DDC: variants seen among roughly 807,000 people sequenced by gnomAD.
DDC encodes dopa decarboxylase, also known as aromatic-L-amino-acid decarboxylase.
Under a neutral mutation model 60.0 loss-of-function variants are expected in DDC, and 43 were observed. The ratio of observed to expected loss-of-function variants is 0.72; its 90% CI spans 0.56 to 0.92. The LOEUF (loss-of-function observed/expected upper bound fraction) is 0.92, where lower values mean the gene tolerates loss of function less well. DDC is among the 40% of genes least tolerant of loss of function. The pLI, the probability that DDC is intolerant of heterozygous loss-of-function variation, is 0.00. For missense variants in DDC, 573 were observed against 620.2 expected, an observed-to-expected ratio of 0.92 and a Z score of 0.81; for synonymous variants, 232 against 234.6, an observed-to-expected ratio of 0.99 and a Z score of 0.10.
At chr7:50,501,711 T>G (rs1353829833) in intron 7 of DDC, among the ~76,000 whole-genome samples, 1 of 152,062 alleles carries the variant, frequency 6.6e-6, no homozygotes, top group African/African-American at 2.4e-5. Context: ...AGAGGGAAAG[T>G]AGGTAAAAGG....
chr7:50,472,420 G>C (rs1279152102), intron 11 of DDC, among the ~76,000 whole-genome samples: 1 of 152,040 alleles, frequency 6.6e-6, no homozygotes, highest in Non-Finnish European at 1.5e-5. Context: ...CTATTTCCTG[G>C]TACTTTTTCC....
At chr7:50,516,326 G>A (rs1052554254) in intron 6 of DDC, among the ~76,000 whole-genome samples, 1 of 152,068 alleles carries the variant, frequency 6.6e-6, no homozygotes, top group Admixed American at 6.6e-5. Context: ...ACCTGAATGA[G>A]CACTGGCTCA....
At chr7:50,525,473 T>C (rs1221895155) in intron 6 of DDC, among the ~76,000 whole-genome samples, 2 of 152,156 alleles carry the variant, frequency 1.3e-5, no homozygotes, top group African/African-American at 2.4e-5. Flanking sequence ...TATTTCAAAA[T>C]AAAAAGTTGG....
At chr7:50,490,612 GTGAGCTGAGATCATGCCAC>G (rs1287190782) in intron 9 of DDC, among the ~76,000 whole-genome samples, 2 of 152,176 alleles carry the variant, frequency 1.3e-5, no homozygotes, top group African/African-American at 4.8e-5. Flanking sequence ...GGAGGTTGCA[GTGAGCTGAGATCATGCCAC>G]TGAGCCGAGA....
At chr7:50,511,401 C>G (rs1443971814) in intron 6 of DDC, among the ~76,000 whole-genome samples, 1 of 152,080 alleles carries the variant, frequency 6.6e-6, no homozygotes, top group Admixed American at 6.5e-5. Context: ...CATGGTGGCT[C>G]ATGCTTGTAA....
At chr7:50,495,529 G>A in intron 8 of DDC, 112 bp from the exon 9 acceptor site, 1 of 874,228 alleles carries the variant, frequency 1.1e-6, no homozygotes, top group East Asian at 2.6e-5. Flanking sequence ...ATCCACAGTG[G>A]TAGGGGCCAG....
intron 1 of DDC, among the ~76,000 whole-genome samples, chr7:50,546,038 A>G (rs1226828776): frequency 1.3e-5 from 2 of 152,198 alleles, no homozygotes; most frequent in Non-Finnish European, 2.9e-5. Flanking sequence ...AATTGCAGAA[A>G]TAGGATTCAA....
intron 1 of DDC, among the ~76,000 whole-genome samples, chr7:50,545,172 T>TC (rs1563045755): frequency 2.0e-5 from 3 of 152,212 alleles, no homozygotes; most frequent in Admixed American, 1.3e-4. Flanking sequence ...AGGTAGTGTG[T>TC]CCCTTTGTTC....
chr7:50,480,263 G>C (rs1054549537), intron 9 of DDC, among the ~76,000 whole-genome samples: 2 of 152,168 alleles, frequency 1.3e-5, no homozygotes, highest in Non-Finnish European at 2.9e-5. Flanking sequence ...AAACTCCTAA[G>C]TGGCAGGATT....
At chr7:50,492,689 C>CTCTCT in intron 9 of DDC, 1 of 274,052 alleles carries the variant, frequency 3.6e-6, no homozygotes, top group Non-Finnish European at 4.9e-6. Context: ...AGGAAATTTT[C>CTCTCT]CAAATGGCCT....
chr7:50,461,285 TAAG>T (rs2042268043), intron 14 of DDC, among the ~76,000 whole-genome samples: 1 of 152,286 alleles, frequency 6.6e-6, no homozygotes, highest in Non-Finnish European at 1.5e-5. Flanking sequence ...CTCTGTAAAA[TAAG>T]AATAGTTCCT....
At chr7:50,493,134 G>A (rs58085392) in intron 9 of DDC, 9 of 768,468 alleles carry the variant, frequency 1.2e-5, no homozygotes, top group South Asian at 1.1e-4. Context: ...AGAGAGCGTG[G>A]CAATGTCTGT....
At chr7:50,479,060 G>A (rs1324932102) in intron 10 of DDC, among the ~76,000 whole-genome samples, 2 of 152,212 alleles carry the variant, frequency 1.3e-5, no homozygotes, top group African/African-American at 4.8e-5. Flanking sequence ...TTTGGTTCTA[G>A]TTCAACGCCT....
chr7:50,473,539 T>C lies in DDC; in HGVS notation c.1041+3085A>G, dbSNP rs2042578712. 3.3e-5 allele frequency among the ~76,000 whole-genome samples: 5 copies of C among 152,180 alleles called. No individual in the cohort carries two copies. The South Asian group carries it at 1.0e-3, about 32-fold the overall frequency. ...TTGGCTGTGAACACATGATGTGCCA[T>C]CTCCAGCCCTCTCTAGGAACACAGC... On this transcript the variant is annotated intron_variant, in intron 11 of 14. Coordinates refer to ENST00000444124, the MANE Select transcript of DDC (RefSeq NM_001082971.2).
chr7:50,523,017 C>T (rs1181529109), intron 6 of DDC, among the ~76,000 whole-genome samples: 1 of 152,192 alleles, frequency 6.6e-6, no homozygotes, highest in Non-Finnish European at 1.5e-5. Flanking sequence ...GATCCAATCA[C>T]CTTCCACCAG....
chr7:50,477,022 C>T (rs760579215), intron 10 of DDC, among the ~76,000 whole-genome samples: 2 of 152,022 alleles, frequency 1.3e-5, no homozygotes, highest in South Asian at 2.1e-4. Flanking sequence ...TTGTGATATA[C>T]GGAGTGATTA....
chr7:50,509,977 C>CT (rs35484306), intron 6 of DDC, among the ~76,000 whole-genome samples: 37,253 of 148,574 alleles, frequency 0.25, 5,587 homozygotes, highest in Non-Finnish European at 0.34. Flanking sequence ...ACTTACGTAT[C>CT]TTTTTTTTTT....
chr7:50,518,917 C>T (rs914196119), intron 6 of DDC, among the ~76,000 whole-genome samples: 9 of 152,210 alleles, frequency 5.9e-5, no homozygotes, highest in Non-Finnish European at 1.3e-4. Flanking sequence ...AGAGCATTTG[C>T]ATGGCAAAAG....
At chr7:50,518,912 A>G (rs769063234) in intron 6 of DDC, among the ~76,000 whole-genome samples, 1 of 152,228 alleles carries the variant, frequency 6.6e-6, no homozygotes, top group Non-Finnish European at 1.5e-5. Flanking sequence ...ACTAAAGAGC[A>G]TTTGCATGGC....
Sources: gnomAD v4.1 joint callset for allele counts (sites outside exome capture counted in the v4.1 genomes callset) on GRCh38, gnomAD v4.1.1 for gene constraint, MANE v1.5 for transcripts, NCBI Gene and HGNC (gene_info 2026-07-23, HGNC 2026-07-21) for gene names.